Variants in SEPTIN5 observed in about 807,000 individuals in gnomAD.
SEPTIN5 encodes septin-5.
Under a neutral mutation model 51.2 loss-of-function variants are expected in SEPTIN5, and 16 were observed. The observed-to-expected ratio is 0.31, with a 90% CI of 0.21 to 0.47. SEPTIN5 has a LOEUF of 0.47. SEPTIN5 is among the 20% of genes least tolerant of loss of function. SEPTIN5 has a pLI of 0.99. For missense variants in SEPTIN5, 376 were observed against 500.3 expected, an observed-to-expected ratio of 0.75 and a Z score of 2.37; for synonymous variants, 208 against 191.2, an observed-to-expected ratio of 1.09 and a Z score of -0.72.
At chr22:19,715,449 G>C (rs993050705) in intron 2 of SEPTIN5, among the ~76,000 whole-genome samples, 2 of 151,560 alleles carry the variant, frequency 1.3e-5, no homozygotes, top group Non-Finnish European at 2.9e-5. Context: ...GCTGGTCTAG[G>C]CACCTGGGTG....
At chr22:19,717,339 C>T (rs1453638879) in intron 2 of SEPTIN5, 4 of 470,668 alleles carry the variant, frequency 8.5e-6, no homozygotes, top group South Asian at 4.6e-5. Flanking sequence ...GTGGGTGGCC[C>T]ACAGAGCGGA....
At chr22:19,720,942 C>T (rs1936018858) in intron 8 of SEPTIN5, 73 bp downstream of exon 8, 2 of 1,338,986 alleles carry the variant, frequency 1.5e-6, no homozygotes, top group East Asian at 2.3e-5. Flanking sequence ...TTGTCTCCTT[C>T]ACATTGAGCC....
rs1400870648 is a variant in SEPTIN5 at position 19,722,780 on chromosome 22, G to A, written c.*296G>A. On this transcript the variant is annotated 3_prime_UTR_variant, in exon 12 of 12. Coordinates refer to ENST00000455784, the MANE Select transcript of SEPTIN5 (RefSeq NM_002688.6). ...GACGGTCACAGCACCCAAACCGCAG[G>A]CCCTGCTCTGGCAGGCAGGCAAAGC... is the stretch of plus-strand genomic sequence containing the variant. The A allele has an allele frequency of 1.9e-6, 1 of 525,050 alleles. No homozygotes were observed. The highest frequency in any genetic ancestry group is 1.9e-5 in the African/African-American group (1 of 52,706). 32.5% of individuals were successfully genotyped at this position (525,050 alleles called of 1,614,324 possible).
intron 8 of SEPTIN5, 66 bp downstream of exon 8, chr22:19,720,935 T>C: frequency 1.4e-6 from 2 of 1,405,100 alleles, no homozygotes; most frequent in Non-Finnish European, 2.0e-6. Flanking sequence ...GAGGGCTTTG[T>C]CTCCTTCACA....
At chr22:19,719,734 G>T (rs756226895) in intron 3 of SEPTIN5, 36 bp downstream of exon 3, 4 of 1,610,756 alleles carry the variant, frequency 2.5e-6, no homozygotes, top group Admixed American at 1.7e-5. Context: ...AGTGGCTGGG[G>T]TCACTGGCCA....
intron 8 of SEPTIN5, 123 bp from the exon 9 acceptor site, chr22:19,721,517 C>T: frequency 9.2e-7 from 1 of 1,087,576 alleles, no homozygotes; most frequent in South Asian, 1.4e-5. Flanking sequence ...GCCAGGATCT[C>T]TTTGAGGAGA....
Position 19,722,797 on chromosome 22 carries a change from A to G in SEPTIN5, c.*313A>G. The G allele has an allele frequency of 2.0e-6, 1 of 501,150 alleles. No individual in the cohort carries two copies. Among genetic ancestry groups the G allele is most frequent in the South Asian group, 2.1e-5 (1 of 46,658 alleles). The allele number at this position is 501,150 out of a possible 1,614,324, so 31.0% of individuals were successfully genotyped here. A position where few individuals can be genotyped will look rare whatever the true frequency, so the allele number is the denominator to read the frequency against. On this transcript the variant is annotated 3_prime_UTR_variant, in exon 12 of 12. Transcript: ENST00000455784. ...AACCGCAGGCCCTGCTCTGGCAGGCAGGCAAAGCTAGGCAGAAGAGGATTC... is the reference window on the plus strand; with the variant it reads ...AACCGCAGGCCCTGCTCTGGCAGGCGGGCAAAGCTAGGCAGAAGAGGATTC...
At chr22:19,718,295 A>G (rs1389247666) in intron 2 of SEPTIN5, 2 of 654,494 alleles carry the variant, frequency 3.1e-6, no homozygotes, top group Non-Finnish European at 3.8e-6. Context: ...CACGCGAGCC[A>G]TGGCCCGACC....
Position 19,723,177 on chromosome 22 carries a change from G to T in SEPTIN5, c.*693G>T. 1.7e-6 allele frequency: 1 copy of T among 582,514 alleles called. No homozygotes were observed. Among genetic ancestry groups the T allele is most frequent in the South Asian group, 1.5e-5 (1 of 65,678 alleles). The allele number at this position is 582,514 out of a possible 1,614,324, so 36.1% of individuals were successfully genotyped here. ...CTCGAGGCCTCTTCTCCCCAGCACC[G>T]CTGTGGTGTGCCGGGATCCTGAGCC... On this transcript the variant is annotated 3_prime_UTR_variant, in exon 12 of 12. Transcript: ENST00000455784.
At chr22:19,719,005 G>T (rs1935966441) in intron 2 of SEPTIN5, 1 of 564,608 alleles carries the variant, frequency 1.8e-6, no homozygotes, top group Non-Finnish European at 2.6e-6. Context: ...CACCTCACGC[G>T]ACTCCAAAAC....
chr22:19,721,513 A>ATC (rs1338407798), intron 8 of SEPTIN5, 127 bp from the exon 9 acceptor site: 13 of 1,033,586 alleles, frequency 1.3e-5, no homozygotes, highest in Non-Finnish European at 1.7e-5. Flanking sequence ...CAACGCCAGG[A>ATC]TCTCTTTGAG....
In SEPTIN5 at chr22:19,722,514, G is replaced by C; in HGVS notation, c.*30G>C. The C allele has an allele frequency of 1.3e-6, 2 of 1,570,802 alleles. No individual in the cohort carries two copies. The highest frequency in any genetic ancestry group is 1.7e-6 in the Non-Finnish European group (2 of 1,158,226). ...CGCCGCGGACACACCGTCCGTCTCC[G>C]GGACGCCCTCGCACCCCTGGACACC... On this transcript the variant is annotated 3_prime_UTR_variant, in exon 12 of 12. Transcript: ENST00000455784.
chr22:19,716,332 T>A (rs1380037630), intron 2 of SEPTIN5, among the ~76,000 whole-genome samples: 1 of 152,240 alleles, frequency 6.6e-6, no homozygotes, highest in South Asian at 2.1e-4. Context: ...CCAAGCATTC[T>A]TTTTGCTCTT....
chr22:19,722,587 T>C lies in SEPTIN5; in HGVS notation c.*103T>C. 1 of 1,247,694 alleles carries C rather than the reference T, an allele frequency of 8.0e-7. No individual in the cohort carries two copies. The highest frequency in any genetic ancestry group is 1.1e-6 in the Non-Finnish European group (1 of 883,590). The allele number at this position is 1,247,694 out of a possible 1,614,324, so 77.3% of individuals were successfully genotyped here. On this transcript the variant is annotated 3_prime_UTR_variant, in exon 12 of 12. Coordinates refer to ENST00000455784, the MANE Select transcript of SEPTIN5 (RefSeq NM_002688.6). ...GAGACGCGGGGCCACAGCCCCCAGC[T>C]GACCCTAATTTATTCTCAGCACCAC... is the stretch of plus-strand genomic sequence containing the variant.
intron 2 of SEPTIN5, chr22:19,718,788 G>A (rs1465143795): frequency 8.1e-7 from 1 of 1,236,896 alleles, no homozygotes; most frequent in Non-Finnish European, 1.0e-6. Context: ...AGCTGCTGTC[G>A]CCGCGGACCC....
At chr22:19,720,963 G>C in intron 8 of SEPTIN5, 94 bp downstream of exon 8, 1 of 1,140,564 alleles carries the variant, frequency 8.8e-7, no homozygotes, top group Non-Finnish European at 1.3e-6. Flanking sequence ...TGCTGGAGGA[G>C]GGCCAGGTCA....
Position 19,722,967 on chromosome 22 carries a change from C to T in SEPTIN5, c.*483C>T. On this transcript the variant is annotated 3_prime_UTR_variant, in exon 12 of 12. Coordinates refer to ENST00000455784, the MANE Select transcript of SEPTIN5 (RefSeq NM_002688.6). The stretch of plus-strand genomic sequence containing the variant: ...CGAGTCTTCCCTTATCCCCAGACGC[C>T]TAGCGGGCAGGGTTGGGCTGAATCA... 4.5e-6 allele frequency: 2 copies of T among 441,828 alleles called. No homozygotes were observed. 27.4% of individuals were successfully genotyped at this position (441,828 alleles called of 1,614,324 possible).
chr22:19,722,227 C>A lies in SEPTIN5; in HGVS notation c.951-10C>A. The A allele has an allele frequency of 6.3e-7, 1 of 1,579,368 alleles. No homozygotes were observed. The highest frequency in any genetic ancestry group is 8.6e-7 in the Non-Finnish European group (1 of 1,159,818). On this transcript the variant is annotated splice_polypyrimidine_tract_variant and intron_variant, in intron 10 of 11. Coordinates refer to ENST00000455784, the MANE Select transcript of SEPTIN5 (RefSeq NM_002688.6). ...GCCGCCCCGCCCATCCTCCCCCCCG[C>A]CCCGCGCAGCAAACTGACCCAGGAC...
intron 2 of SEPTIN5, chr22:19,717,364 C>G (rs879807742): frequency 6.4e-6 from 3 of 470,136 alleles, no homozygotes; most frequent in Admixed American, 4.7e-5. Context: ...GGGAGACCCC[C>G]GCAGTCCCTG....
Sources: gnomAD v4.1 joint callset for allele counts (sites outside exome capture counted in the v4.1 genomes callset) on GRCh38, gnomAD v4.1.1 for gene constraint, MANE v1.5 for transcripts, NCBI Gene and HGNC (gene_info 2026-07-23, HGNC 2026-07-21) for gene names.